The following SUPT3H variants were observed in gnomAD, a reference collection of about 807,000 sequenced individuals.
SUPT3H encodes SPT3 homolog, SAGA and STAGA complex component.
Under a neutral mutation model 44.3 loss-of-function variants are expected in SUPT3H, and 44 were observed. The observed-to-expected ratio is 0.99, with a 90% CI of 0.78 to 1.28. SUPT3H has a LOEUF of 1.28. Ranked by LOEUF, SUPT3H falls within the 50% of genes most tolerant of loss-of-function variation. SUPT3H has a pLI of 0.00. For synonymous variants in SUPT3H, 124 were observed against 125.6 expected, an observed-to-expected ratio of 0.99 and a Z score of 0.09; for missense variants, 380 against 387.1, an observed-to-expected ratio of 0.98 and a Z score of 0.15.
chr6:45,075,862 A>G (rs1583410414), intron 3 of SUPT3H, among the ~76,000 whole-genome samples: 1 of 152,246 alleles, frequency 6.6e-6, no homozygotes, highest in African/African-American at 2.4e-5. Flanking sequence ...CTTTTCATAA[A>G]TAATAATGAT....
At chr6:45,318,598 T>C (rs1418117357) in intron 2 of SUPT3H, among the ~76,000 whole-genome samples, 1 of 152,134 alleles carries the variant, frequency 6.6e-6, no homozygotes, top group Admixed American at 6.5e-5. Context: ...AAAAATAAAG[T>C]CTATTAATTT....
intron 2 of SUPT3H, chr6:45,328,584 AAAAT>A: frequency 6.3e-7 from 1 of 1,583,184 alleles, no homozygotes; most frequent in Non-Finnish European, 8.6e-7. Flanking sequence ...TTGACAGAAA[AAAAT>A]AAATATAAAG....
intron 3 of SUPT3H, among the ~76,000 whole-genome samples, chr6:45,086,076 GT>G (rs1796437274): frequency 6.6e-6 from 1 of 152,030 alleles, no homozygotes; most frequent in Admixed American, 6.6e-5. Flanking sequence ...TTGAAACTTA[GT>G]TTCTGTCACT....
chr6:45,234,027 G>C (rs1477406293), intron 2 of SUPT3H, among the ~76,000 whole-genome samples: 1 of 152,108 alleles, frequency 6.6e-6, no homozygotes, highest in Admixed American at 6.6e-5. Context: ...CCTAGTCCTT[G>C]CAAGGTATTT....
chr6:45,129,755 T>C (rs995471023), intron 2 of SUPT3H, among the ~76,000 whole-genome samples: 6 of 152,276 alleles, frequency 3.9e-5, no homozygotes, highest in East Asian at 1.9e-4. Flanking sequence ...ATACTACTTA[T>C]GGATTTTTTT....
chr6:45,272,310 A>T (rs1348233931), intron 2 of SUPT3H, among the ~76,000 whole-genome samples: 2 of 152,022 alleles, frequency 1.3e-5, no homozygotes, highest in Non-Finnish European at 2.9e-5. Context: ...AGGTTGTGGG[A>T]GGGACAAGTG....
At chr6:44,974,042 C>T (rs1440573733) in intron 6 of SUPT3H, among the ~76,000 whole-genome samples, 1 of 152,090 alleles carries the variant, frequency 6.6e-6, no homozygotes, top group Non-Finnish European at 1.5e-5. Flanking sequence ...AGTCTTCCTG[C>T]TATGGCTCAC....
chr6:44,820,334 T>C (rs1187835322), intron 11 of SUPT3H, among the ~76,000 whole-genome samples: 3 of 152,240 alleles, frequency 2.0e-5, no homozygotes, highest in Admixed American at 6.5e-5. Context: ...GGAGATGCAC[T>C]GTGATTTAGG....
intron 10 of SUPT3H, among the ~76,000 whole-genome samples, chr6:44,931,033 C>A (rs55641): frequency 0.98 from 149,237 of 152,334 alleles, 73,113 homozygotes; most frequent in Middle Eastern, 1. Flanking sequence ...TCATCAACCA[C>A]GATGGCTCTC....
intron 2 of SUPT3H, chr6:45,159,112 C>T (rs1300970141): frequency 6.6e-6 from 1 of 152,224 alleles, no homozygotes; most frequent in Non-Finnish European, 1.5e-5. Flanking sequence ...GTTCAGTTCT[C>T]CAGTCACCTT....
At chr6:45,218,385 A>G (rs1765435064) in intron 2 of SUPT3H, among the ~76,000 whole-genome samples, 1 of 152,212 alleles carries the variant, frequency 6.6e-6, no homozygotes, top group African/African-American at 2.4e-5. Flanking sequence ...AAAAATTGAT[A>G]TATCCACAAC....
At chr6:44,915,826 C>A (rs1464587577) in intron 10 of SUPT3H, among the ~76,000 whole-genome samples, 1 of 152,124 alleles carries the variant, frequency 6.6e-6, no homozygotes, top group African/African-American at 2.4e-5. Context: ...CTGGACCAGA[C>A]CAATAAATGT....
intron 2 of SUPT3H, among the ~76,000 whole-genome samples, chr6:45,110,126 A>G (rs1380889553): frequency 2.6e-5 from 4 of 152,282 alleles, no homozygotes; most frequent in East Asian, 1.9e-4. Flanking sequence ...CTAAGGCCAG[A>G]GCAACTTAAT....
At chr6:45,281,756 C>G (rs1250347774) in intron 2 of SUPT3H, among the ~76,000 whole-genome samples, 1 of 152,106 alleles carries the variant, frequency 6.6e-6, no homozygotes, top group Non-Finnish European at 1.5e-5. Flanking sequence ...CTCCCAGCAC[C>G]CAGCTGGAGA....
intron 2 of SUPT3H, among the ~76,000 whole-genome samples, chr6:45,313,684 C>T (rs546310823): frequency 6.1e-5 from 9 of 147,702 alleles, no homozygotes; most frequent in East Asian, 5.9e-4. Context: ...CACGACCAGA[C>T]GGATTCACAG....
chr6:45,318,128 T>C (rs1237273306), intron 2 of SUPT3H, among the ~76,000 whole-genome samples: 4 of 152,090 alleles, frequency 2.6e-5, no homozygotes, highest in Admixed American at 1.3e-4. Context: ...GGCAATACTA[T>C]AGACAGAGTA....
intron 2 of SUPT3H, among the ~76,000 whole-genome samples, chr6:45,125,872 G>C (rs933953969): frequency 6.7e-6 from 1 of 148,718 alleles, no homozygotes; most frequent in Non-Finnish European, 1.5e-5. Flanking sequence ...TCCAATAAAA[G>C]AAAGTCCAAA....
At chr6:44,889,617 T>C (rs1025473218) in intron 10 of SUPT3H, among the ~76,000 whole-genome samples, 1 of 152,140 alleles carries the variant, frequency 6.6e-6, no homozygotes, top group African/African-American at 2.4e-5. Flanking sequence ...TAATTCAAGA[T>C]GGATTAAAGA....
At position 44,954,436 on chromosome 6, in the gene SUPT3H, G is replaced by T; in HGVS notation, c.693+59C>A. On this transcript the variant is annotated intron_variant, in intron 8 of 10. Coordinates refer to ENST00000371459, the MANE Select transcript of SUPT3H (RefSeq NM_003599.4). ...AGCAGGGAGAAGAAGAATTGATCATGGGCAGAGATAAAGAAAAACCAGCCA... is the reference window on the plus strand; with the variant it reads ...AGCAGGGAGAAGAAGAATTGATCATTGGCAGAGATAAAGAAAAACCAGCCA... 4 of 1,162,518 alleles carry T rather than the reference G, an allele frequency of 3.4e-6. No individual in the cohort carries two copies. In the South Asian group the frequency reaches 4.9e-5, roughly 14 times the overall value. The allele number at this position is 1,162,518 out of a possible 1,614,324, so 72.0% of individuals were successfully genotyped here.
Sources: allele counts gnomAD v4.1 joint callset (sites outside exome capture counted in the v4.1 genomes callset), GRCh38; gene constraint gnomAD v4.1.1; transcripts MANE v1.5; gene names NCBI Gene and HGNC (gene_info 2026-07-23, HGNC 2026-07-21).